Variants in PPFIA2 observed in about 807,000 individuals in gnomAD.
The protein encoded by PPFIA2 is liprin-alpha-2.
Under a neutral mutation model 175.5 loss-of-function variants are expected in PPFIA2, and 46 were observed. That is an observed-to-expected ratio of 0.26 (90% CI 0.21 to 0.34). The LOEUF is 0.34. Ranked by LOEUF, PPFIA2 falls within the 10% of genes least tolerant of loss-of-function variation. The pLI, the probability that PPFIA2 is intolerant of heterozygous loss-of-function variation, is 1.00. For missense variants in PPFIA2, 1,179 were observed against 1,506.1 expected, an observed-to-expected ratio of 0.78 and a Z score of 3.60; for synonymous variants, 568 against 511.4, an observed-to-expected ratio of 1.11 and a Z score of -1.49.
chr12:81,757,808 A>G (rs916035963), intron 2 of PPFIA2, among the ~76,000 whole-genome samples: 1 of 152,168 alleles, frequency 6.6e-6, no homozygotes. Flanking sequence ...AAATGACTTT[A>G]TTTAATCATA....
intron 3 of PPFIA2, among the ~76,000 whole-genome samples, chr12:81,680,170 T>C (rs2073344026): frequency 6.6e-6 from 1 of 151,986 alleles, no homozygotes; most frequent in Non-Finnish European, 1.5e-5. Flanking sequence ...ATCATTTTAT[T>C]TTTAACTAGG....
At chr12:81,276,126 CA>C (rs764801989) in intron 28 of PPFIA2, among the ~76,000 whole-genome samples, 29 of 151,292 alleles carry the variant, frequency 1.9e-4, no homozygotes, top group African/African-American at 6.1e-4. Context: ...TTATTTTTAG[CA>C]AAAAAAAGCC....
intron 8 of PPFIA2, among the ~76,000 whole-genome samples, chr12:81,400,997 A>G (rs1165067802): frequency 6.6e-6 from 1 of 152,138 alleles, no homozygotes; most frequent in Non-Finnish European, 1.5e-5. Flanking sequence ...AAAGTTTTTC[A>G]TATTGTTGAC....
At chr12:81,604,974 C>A (rs2060143214) in intron 4 of PPFIA2, among the ~76,000 whole-genome samples, 1 of 151,710 alleles carries the variant, frequency 6.6e-6, no homozygotes. Context: ...TTATCTAATA[C>A]ACCCTTGTGC....
At chr12:81,505,152 G>C in intron 4 of PPFIA2, among the ~76,000 whole-genome samples, 1 of 151,758 alleles carries the variant, frequency 6.6e-6, no homozygotes, top group South Asian at 2.1e-4. Flanking sequence ...AAGTTCCTCC[G>C]AATGATTTAA....
chr12:81,674,493 C>A (rs2072060855), intron 4 of PPFIA2, among the ~76,000 whole-genome samples: 1 of 151,652 alleles, frequency 6.6e-6, no homozygotes, highest in Admixed American at 6.6e-5. Context: ...CACGGTGAAA[C>A]CCTGTATCTA....
intron 24 of PPFIA2, among the ~76,000 whole-genome samples, chr12:81,291,668 A>C (rs1594050874): frequency 6.6e-6 from 1 of 152,038 alleles, no homozygotes; most frequent in African/African-American, 2.4e-5. Context: ...GAAGAACTGT[A>C]AAATGTTGTT....
chr12:81,354,852 C>G (rs1243418921), intron 16 of PPFIA2, among the ~76,000 whole-genome samples: 1 of 152,086 alleles, frequency 6.6e-6, no homozygotes, highest in Non-Finnish European at 1.5e-5. Context: ...CCATGTTGGC[C>G]AGGCTGGTCT....
chr12:81,298,664 G>A (rs1375118220), intron 23 of PPFIA2, among the ~76,000 whole-genome samples: 1 of 152,176 alleles, frequency 6.6e-6, no homozygotes, highest in Non-Finnish European at 1.5e-5. Flanking sequence ...TTCCGTCAAT[G>A]TCAAGGTCAG....
At chr12:81,605,686 T>TCTATCTATCTA (rs758936179) in intron 4 of PPFIA2, among the ~76,000 whole-genome samples, 1 of 147,894 alleles carries the variant, frequency 6.8e-6, no homozygotes, top group Non-Finnish European at 1.5e-5. Flanking sequence ...TATCTATCTA[T>TCTATCTATCTA]CTATCTAATC....
At chr12:81,688,883 G>C (rs931422415) in intron 3 of PPFIA2, among the ~76,000 whole-genome samples, 1 of 148,426 alleles carries the variant, frequency 6.7e-6, no homozygotes, top group Non-Finnish European at 1.5e-5. Flanking sequence ...TTATTTAACC[G>C]TATCTCTCCC....
chr12:81,474,520 G>C (rs1398426605), intron 4 of PPFIA2, among the ~76,000 whole-genome samples: 1 of 152,066 alleles, frequency 6.6e-6, no homozygotes, highest in Admixed American at 6.6e-5. Flanking sequence ...TTGAACCCCT[G>C]ACCTCAAGTG....
intron 22 of PPFIA2, chr12:81,312,207 G>T: frequency 6.6e-7 from 1 of 1,524,050 alleles, no homozygotes; most frequent in Non-Finnish European, 8.8e-7. Flanking sequence ...GAAAAGAAAA[G>T]CACACAAATG....
chr12:81,299,591 A>G (rs1279794514), intron 22 of PPFIA2, among the ~76,000 whole-genome samples: 2 of 152,154 alleles, frequency 1.3e-5, no homozygotes, highest in Non-Finnish European at 2.9e-5. Context: ...TAGAAAAGTA[A>G]TTTTCCCCAA....
intron 14 of PPFIA2, among the ~76,000 whole-genome samples, chr12:81,363,368 A>T (rs920657441): frequency 1.5e-4 from 22 of 151,714 alleles, no homozygotes; most frequent in Admixed American, 5.3e-4. Flanking sequence ...AGTAAAGTTA[A>T]TAACCAATTA....
At chr12:81,413,452 GAAATAAA>G (rs2143012535) in intron 7 of PPFIA2, among the ~76,000 whole-genome samples, 1 of 151,810 alleles carries the variant, frequency 6.6e-6, no homozygotes, top group African/African-American at 2.4e-5. Flanking sequence ...GGGAAATAAA[GAAATAAA>G]AGAATGGGAA....
intron 4 of PPFIA2, among the ~76,000 whole-genome samples, chr12:81,631,684 C>T (rs1001367272): frequency 3.3e-5 from 5 of 152,172 alleles, no homozygotes; most frequent in African/African-American, 1.2e-4. Context: ...AACATAATTT[C>T]CACAGTGTCT....
chr12:81,282,693 C>T (rs1332216820), intron 26 of PPFIA2: 1 of 189,638 alleles, frequency 5.3e-6, no homozygotes, highest in Non-Finnish European at 1.1e-5. Flanking sequence ...TTAGATCCAA[C>T]TTGAATGCTT....
intron 3 of PPFIA2, among the ~76,000 whole-genome samples, chr12:81,708,065 T>G (rs1488063303): frequency 6.7e-6 from 1 of 150,268 alleles, no homozygotes; most frequent in Non-Finnish European, 1.5e-5. Flanking sequence ...GAGATATACC[T>G]AATGCTAGAT....
Sources: allele counts gnomAD v4.1 joint callset (sites outside exome capture counted in the v4.1 genomes callset), GRCh38; gene constraint gnomAD v4.1.1; transcripts MANE v1.5; gene names NCBI Gene and HGNC (gene_info 2026-07-23, HGNC 2026-07-21).